Variants in ARHGAP5 observed in about 807,000 individuals in gnomAD.
ARHGAP5 encodes Rho GTPase activating protein 5.
ARHGAP5 carries 23 observed loss-of-function variants against 116.6 expected under a neutral mutation model. That is an observed-to-expected ratio of 0.20 (90% CI 0.14 to 0.28). The LOEUF (loss-of-function observed/expected upper bound fraction) is 0.28, where lower values mean the gene tolerates loss of function less well. ARHGAP5 is among the 10% of genes least tolerant of loss of function. The probability of loss-of-function intolerance (pLI) is 1.00; values close to 1 mark genes in which losing one functional copy is unlikely to be tolerated. For synonymous variants in ARHGAP5, 574 were observed against 602.0 expected (o/e 0.95, Z 0.68); for missense variants, 1,405 against 1,774.8 (o/e 0.79, Z 3.74).
chr14:32,137,281 G>A (rs1283527809), intron 3 of ARHGAP5, among the ~76,000 whole-genome samples: 1 of 149,158 alleles, frequency 6.7e-6, no homozygotes, highest in East Asian at 2.0e-4. Context: ...TCGTTCTTAA[G>A]CATGTGGATA....
At chr14:32,080,307 C>T (rs1383874120) in intron 1 of ARHGAP5, among the ~76,000 whole-genome samples, 1 of 149,958 alleles carries the variant, frequency 6.7e-6, no homozygotes, top group Non-Finnish European at 1.5e-5. Flanking sequence ...GAATATTTAA[C>T]TTAATTAAAT....
chr14:32,082,186 A>G (rs1332655825), intron 1 of ARHGAP5, among the ~76,000 whole-genome samples: 1 of 152,062 alleles, frequency 6.6e-6, no homozygotes, highest in Non-Finnish European at 1.5e-5. Context: ...GGGGTTGGGG[A>G]CCCCTGATCT....
intron 1 of ARHGAP5, among the ~76,000 whole-genome samples, chr14:32,080,483 AC>A (rs912663848): frequency 2.0e-5 from 3 of 151,944 alleles, no homozygotes; most frequent in Non-Finnish European, 4.4e-5. Context: ...TTAAAAAAAA[AC>A]AAAACTGATC....
intron 3 of ARHGAP5, among the ~76,000 whole-genome samples, chr14:32,130,106 AAT>A (rs915359199): frequency 5.3e-5 from 8 of 151,172 alleles, no homozygotes; most frequent in African/African-American, 9.7e-5. Context: ...TATGTAATAA[AAT>A]ATATATATAT....
At chr14:32,098,835 G>A (rs1878655157) in intron 2 of ARHGAP5, among the ~76,000 whole-genome samples, 1 of 152,228 alleles carries the variant, frequency 6.6e-6, no homozygotes, top group Non-Finnish European at 1.5e-5. Flanking sequence ...CAGACTCTGA[G>A]ACTAGTTACC....
chr14:32,106,183 G>A (rs1485963464), intron 2 of ARHGAP5, among the ~76,000 whole-genome samples: 1 of 152,014 alleles, frequency 6.6e-6, no homozygotes, highest in Non-Finnish European at 1.5e-5. Context: ...GTGCAGTGGC[G>A]CGATCTCAGC....
At chr14:32,126,952 CAT>C (rs1276416158) in intron 3 of ARHGAP5, among the ~76,000 whole-genome samples, 3 of 149,674 alleles carry the variant, frequency 2.0e-5, no homozygotes, top group South Asian at 2.1e-4. Context: ...AATTTTATGT[CAT>C]GTGTATTTTA....
In ARHGAP5 at chr14:32,134,254, C is replaced by G. The variant is rs771382271; in HGVS notation, c.3866-12009C>G. Reference sequence around the variant, plus strand: ...CAAAGCCTTTTTTTGCAGAATATTCCTAAATTTTATTTGACTAGAAAGTAG... The same window carrying G: ...CAAAGCCTTTTTTTGCAGAATATTCGTAAATTTTATTTGACTAGAAAGTAG... On this transcript the variant is annotated intron_variant, in intron 3 of 6. Transcript: ENST00000345122. Among the ~76,000 whole-genome samples, 103 of 152,042 alleles carry G rather than the reference C, an allele frequency of 6.8e-4. 5 individuals are homozygous for G. Among genetic ancestry groups the G allele is most frequent in the Middle Eastern group, 6.8e-3 (2 of 294 alleles).
rs1455656473 is a variant in ARHGAP5 at position 32,077,325 on chromosome 14, A to T, written c.-279A>T. ...CGCCGAGGAAGAGAGGCGAGCGGAG[A>T]GTGGAGGAGGAGGCGGCGGCGGCGG... On this transcript the variant is annotated 5_prime_UTR_variant, in exon 1 of 7. Coordinates refer to ENST00000345122, the MANE Select transcript of ARHGAP5 (RefSeq NM_001030055.2). 1 of 568,790 alleles carries T rather than the reference A, an allele frequency of 1.8e-6. No homozygotes were observed. Among genetic ancestry groups the T allele is most frequent in the South Asian group, 1.5e-5 (1 of 65,542 alleles). 35.2% of individuals were successfully genotyped at this position (568,790 alleles called of 1,614,324 possible). A position where few individuals can be genotyped will look rare whatever the true frequency, so the allele number is the denominator to read the frequency against.
rs1346068079 is a variant in ARHGAP5, at chr14:32,090,996, T to C, written c.327T>C (p.Ser109=). ...ACCAGACTTTCTTGCCTCATCGGAG[T>C]ACGAATTTGCAACCATATATAAAAC... is the stretch of plus-strand genomic sequence containing the variant. ...IDDQTFLPHR[S]TNLQPYIKRA... The change falls in exon 2 of 7, where the codon AGT becomes AGC. Residue 109 remains serine (S), a synonymous_variant. Transcript: ENST00000345122. 2 of 1,613,444 alleles carry C rather than the reference T, an allele frequency of 1.2e-6. No homozygotes were observed. Among genetic ancestry groups the C allele is most frequent in the African/African-American group, 2.7e-5 (2 of 74,862 alleles).
intron 1 of ARHGAP5, among the ~76,000 whole-genome samples, chr14:32,084,492 C>T (rs139083396): frequency 4.7e-4 from 71 of 152,206 alleles, no homozygotes; most frequent in African/African-American, 1.5e-3. Flanking sequence ...GATTACCCAG[C>T]GGTTTGGAAG....
intron 3 of ARHGAP5, among the ~76,000 whole-genome samples, chr14:32,143,202 AGTTGTTGTTGTTGTTGTTGTT>A (rs140378018): frequency 6.9e-6 from 1 of 145,334 alleles, no homozygotes; most frequent in South Asian, 2.3e-4. Flanking sequence ...ACATTATTTT[AGTTGTTGTTGTTGTTGTTGTT>A]GTTGTTGTTG....
chr14:32,098,935 T>G (rs1183763806), intron 2 of ARHGAP5, among the ~76,000 whole-genome samples: 1 of 152,098 alleles, frequency 6.6e-6, no homozygotes, highest in Admixed American at 6.5e-5. Context: ...GGTTACAGTG[T>G]GAAGAATGGG....
chr14:32,124,779 G>A (rs1409921224), intron 3 of ARHGAP5, among the ~76,000 whole-genome samples: 1 of 152,166 alleles, frequency 6.6e-6, no homozygotes, highest in Admixed American at 6.5e-5. Flanking sequence ...CTGGAAAGTG[G>A]TTTGGTCTTT....
rs1388192490 is a variant in ARHGAP5, at chr14:32,087,640, CTA to C, written c.-168-2858_-168-2857del. 3.3e-5 allele frequency among the ~76,000 whole-genome samples: 5 copies of C among 152,002 alleles called. 1 individual carries two copies. Among genetic ancestry groups the C allele is most frequent in the African/African-American group, 1.2e-4 (5 of 41,502 alleles). ...TTTTTCTGTCACAGTTTGAAAATCA[CTA>C]TATGGTGACTCATGACATAAGCTCT... On this transcript the variant is annotated intron_variant, in intron 1 of 6. Transcript: ENST00000345122.
intron 5 of ARHGAP5, among the ~76,000 whole-genome samples, chr14:32,151,100 G>A (rs895873176): frequency 7.2e-5 from 11 of 152,050 alleles, no homozygotes; most frequent in Non-Finnish European, 2.9e-5. Context: ...AGGTATAGTT[G>A]CCTTATATAT....
At chr14:32,083,146 C>T (rs2041795231) in intron 1 of ARHGAP5, among the ~76,000 whole-genome samples, 1 of 152,254 alleles carries the variant, frequency 6.6e-6, no homozygotes, top group South Asian at 2.1e-4. Flanking sequence ...CAAATCCTTC[C>T]TCTTCATTGA....
intron 2 of ARHGAP5, among the ~76,000 whole-genome samples, chr14:32,112,449 G>A (rs115520833): frequency 0.018 from 2,738 of 152,258 alleles, 86 homozygotes; most frequent in African/African-American, 0.062. Flanking sequence ...AGATGTAATT[G>A]CTGAATGGAA....
intron 3 of ARHGAP5, among the ~76,000 whole-genome samples, chr14:32,134,701 T>C (rs1428546842): frequency 1.3e-5 from 2 of 152,224 alleles, no homozygotes; most frequent in African/African-American, 4.8e-5. Context: ...TTAAGGAACA[T>C]TAAATCTTGT....
Sources: allele counts gnomAD v4.1 joint callset (sites outside exome capture counted in the v4.1 genomes callset), GRCh38; gene constraint gnomAD v4.1.1; transcripts MANE v1.5; gene names NCBI Gene and HGNC (gene_info 2026-07-23, HGNC 2026-07-21).